KCNIP4: variants seen among roughly 807,000 people sequenced by gnomAD.
The protein encoded by KCNIP4 is potassium voltage-gated channel interacting protein 4.
A neutral mutation model predicts 34.0 loss-of-function variants in KCNIP4; 12 were observed. The observed-to-expected ratio is 0.35, with a 90% CI of 0.23 to 0.57. The LOEUF is 0.57. Among genes scored for constraint, KCNIP4 ranks in the 20% least tolerant of loss-of-function variants. The pLI is 0.83. For missense variants in KCNIP4, 238 were observed against 311.7 expected (o/e 0.76, Z 1.78); for synonymous variants, 124 against 102.2 (o/e 1.21, Z -1.29).
At chr4:21,112,050 T>TATCTATCTATATATCC (rs1749250723) in intron 1 of KCNIP4, among the ~76,000 whole-genome samples, 44 of 151,874 alleles carry the variant, frequency 2.9e-4, no homozygotes, top group African/African-American at 9.4e-4. Context: ...TCTATCTATC[T>TATCTATCTATATATCC]ATCTATCTAT....
rs528414277 is a variant in KCNIP4, at chr4:21,574,121, G to T, written c.61+374450C>A. The stretch of plus-strand genomic sequence containing the variant: ...ACGACTGTAACAGAGTTGAGTCATG[G>T]TTTATGGGCAGAAATTTTCTTGTTA... On this transcript the variant is annotated intron_variant, in intron 1 of 8. Coordinates refer to ENST00000382152, the MANE Select transcript of KCNIP4 (RefSeq NM_025221.6). Among the ~76,000 whole-genome samples, 8 of 152,182 alleles carry T rather than the reference G, an allele frequency of 5.3e-5. No homozygotes were observed. The South Asian group carries it at 1.7e-3, about 32-fold the overall frequency.
chr4:21,478,743 G>A (rs1731193844), intron 1 of KCNIP4, among the ~76,000 whole-genome samples: 2 of 152,104 alleles, frequency 1.3e-5, no homozygotes, highest in Admixed American at 1.3e-4. Context: ...TTTCGGAATA[G>A]GTTTCTCATC....
chr4:21,467,073 A>AACACAC (rs33937973), intron 1 of KCNIP4, among the ~76,000 whole-genome samples: 6,851 of 139,388 alleles, frequency 0.049, 210 homozygotes, highest in Non-Finnish European at 0.056. Flanking sequence ...AACCAAAACA[A>AACACAC]ACACACACAC....
Position 21,400,520 on chromosome 4 carries a change from C to T in KCNIP4, c.62-517811G>A, listed in dbSNP as rs548329776. Among the ~76,000 whole-genome samples the T allele has an allele frequency of 2.1e-3, 74 of 35,996 alleles. 3 individuals carry two copies. Among genetic ancestry groups the T allele is most frequent in the African/African-American group, 7.3e-3 (69 of 9,416 alleles). The allele number at this position is 35,996 out of a possible 152,430, so 23.6% of individuals were successfully genotyped here. A position where few individuals can be genotyped will look rare whatever the true frequency, so the allele number is the denominator to read the frequency against. ...CTCCCTTCCCCTCCCTTCCTCTTCT[C>T]TTCTCTTCTCTTCTCTTCTCTTCTC... On this transcript the variant is annotated intron_variant, in intron 1 of 8. Coordinates refer to ENST00000382152, the MANE Select transcript of KCNIP4 (RefSeq NM_025221.6).
chr4:20,794,774 A>T (rs1324939967), intron 3 of KCNIP4, among the ~76,000 whole-genome samples: 1 of 152,244 alleles, frequency 6.6e-6, no homozygotes, highest in Non-Finnish European at 1.5e-5. Context: ...GCATAGGCAT[A>T]TAAGTGTGGC....
chr4:21,605,723 G>A (rs528493020), intron 1 of KCNIP4, among the ~76,000 whole-genome samples: 11 of 152,092 alleles, frequency 7.2e-5, no homozygotes, highest in East Asian at 5.8e-4. Context: ...TCAGGTGATC[G>A]CCTACCTCGG....
chr4:21,601,011 T>C lies in KCNIP4; in HGVS notation c.61+347560A>G, dbSNP rs778476834. On this transcript the variant is annotated intron_variant, in intron 1 of 8. Transcript: ENST00000382152. ...AGAAGGCCATCACTATTCCAGTCAC[T>C]AACGTTAAACAAACAAAACAAAAAA... 3.6e-4 allele frequency among the ~76,000 whole-genome samples: 55 copies of C among 151,904 alleles called. 1 individual carries two copies. The highest frequency in any genetic ancestry group is 6.8e-3 in the Middle Eastern group (2 of 294).
intron 1 of KCNIP4, among the ~76,000 whole-genome samples, chr4:20,977,610 C>G (rs1419287154): frequency 1.3e-5 from 2 of 152,048 alleles, no homozygotes; most frequent in Non-Finnish European, 2.9e-5. Flanking sequence ...ATAATAGTCC[C>G]CAGACTAATC....
chr4:21,866,762 ATTTTTTTTT>A (rs770568451), intron 1 of KCNIP4, among the ~76,000 whole-genome samples: 1 of 82,698 alleles, frequency 1.2e-5, no homozygotes, highest in Non-Finnish European at 2.1e-5. Flanking sequence ...TTCAGCCTGG[ATTTTTTTTT>A]TTTTTTTTTT....
intron 3 of KCNIP4, among the ~76,000 whole-genome samples, chr4:20,833,439 T>A (rs961937365): frequency 6.6e-6 from 1 of 151,864 alleles, no homozygotes; most frequent in Non-Finnish European, 1.5e-5. Flanking sequence ...GCGCCGACAT[T>A]GTGCCACTGC....
At chr4:21,678,180 T>C (rs1288944924) in intron 1 of KCNIP4, among the ~76,000 whole-genome samples, 1 of 152,166 alleles carries the variant, frequency 6.6e-6, no homozygotes, top group Non-Finnish European at 1.5e-5. Flanking sequence ...ACTACCATTA[T>C]AATGCAAAAG....
intron 1 of KCNIP4, among the ~76,000 whole-genome samples, chr4:21,825,251 CA>C (rs1456315091): frequency 6.6e-6 from 1 of 150,846 alleles, no homozygotes; most frequent in Non-Finnish European, 1.5e-5. Flanking sequence ...ATAAAATGAA[CA>C]AAATACTTTG....
rs775623741 is a variant in KCNIP4, at chr4:21,413,644, G to A, written c.62-530935C>T. Among the ~76,000 whole-genome samples, 89 of 152,184 alleles carry A rather than the reference G, an allele frequency of 5.8e-4. 1 individual carries two copies. The highest frequency in any genetic ancestry group is 8.1e-4 in the Non-Finnish European group (55 of 68,016). On this transcript the variant is annotated intron_variant, in intron 1 of 8. Transcript: ENST00000382152. ...CACACTATGAGTTCAGTAAGAACAG[G>A]AACTAGATCCCATTCAGCGTCACAT... is the stretch of plus-strand genomic sequence containing the variant.
At chr4:21,589,195 TATATATGTG>T (rs2109089808) in intron 1 of KCNIP4, among the ~76,000 whole-genome samples, 1 of 39,010 alleles carries the variant, frequency 2.6e-5, no homozygotes. Context: ...TATATATATA[TATATATGTG>T]TACATATATA....
rs558860526 is a variant in KCNIP4, at chr4:21,222,389, T to C, written c.62-339680A>G. 2.6e-5 allele frequency among the ~76,000 whole-genome samples: 4 copies of C among 152,276 alleles called. No homozygotes were observed. In the South Asian group the frequency reaches 6.2e-4, roughly 24 times the overall value. On this transcript the variant is annotated intron_variant, in intron 1 of 8. Coordinates refer to ENST00000382152, the MANE Select transcript of KCNIP4 (RefSeq NM_025221.6). ...ACTTTAGAAATAGGTCCAGTATACA[T>C]TGTCATAGCTGATTGAGAAAATTTT...
chr4:21,502,092 C>T (rs1413046920), intron 1 of KCNIP4, among the ~76,000 whole-genome samples: 3 of 151,818 alleles, frequency 2.0e-5, no homozygotes, highest in African/African-American at 7.3e-5. Flanking sequence ...ACCCAATTCC[C>T]CCTGGAGTCC....
At chr4:21,095,519 A>G (rs1328459791) in intron 1 of KCNIP4, among the ~76,000 whole-genome samples, 1 of 152,226 alleles carries the variant, frequency 6.6e-6, no homozygotes, top group African/African-American at 2.4e-5. Flanking sequence ...AATTAAGTAG[A>G]ATTCAATAAA....
chr4:21,904,268 T>G (rs1727870018), intron 1 of KCNIP4, among the ~76,000 whole-genome samples: 3 of 152,182 alleles, frequency 2.0e-5, no homozygotes, highest in Admixed American at 2.0e-4. Context: ...CAGACATACC[T>G]GGATTCAAAT....
intron 1 of KCNIP4, among the ~76,000 whole-genome samples, chr4:21,075,032 T>G (rs1367628069): frequency 6.6e-6 from 1 of 151,942 alleles, no homozygotes; most frequent in African/African-American, 2.4e-5. Flanking sequence ...TTCTTTTACA[T>G]TTGCTGAGGA....
Sources: gnomAD v4.1 joint callset for allele counts (sites outside exome capture counted in the v4.1 genomes callset) on GRCh38, gnomAD v4.1.1 for gene constraint, MANE v1.5 for transcripts, NCBI Gene and HGNC (gene_info 2026-07-23, HGNC 2026-07-21) for gene names.